The following SMYD3 variants were observed in gnomAD, a reference collection of about 807,000 sequenced individuals.
SMYD3 encodes SET and MYND domain containing 3, also known as histone-lysine N-methyltransferase SMYD3.
In SMYD3, 36 loss-of-function variants were observed where a neutral mutation model predicts 57.7. The ratio of observed to expected loss-of-function variants is 0.62; its 90% CI spans 0.48 to 0.82. The LOEUF (loss-of-function observed/expected upper bound fraction) is 0.82, where lower values mean the gene tolerates loss of function less well. Among genes scored for constraint, SMYD3 ranks in the 40% least tolerant of loss-of-function variants. The probability of loss-of-function intolerance (pLI) is 0.00; values close to 1 mark genes in which losing one functional copy is unlikely to be tolerated. For synonymous variants in SMYD3, 211 were observed against 195.0 expected (o/e 1.08, Z -0.68); for missense variants, 515 against 538.8 (o/e 0.96, Z 0.44).
intron 5 of SMYD3, among the ~76,000 whole-genome samples, chr1:246,008,283 G>C (rs559074757): frequency 1.3e-5 from 2 of 151,224 alleles, no homozygotes; most frequent in Non-Finnish European, 1.5e-5. Context: ...ATCCACAGAC[G>C]CACAGAGCGG....
intron 5 of SMYD3, among the ~76,000 whole-genome samples, chr1:246,077,269 T>C (rs546717137): frequency 1.3e-5 from 2 of 152,212 alleles, no homozygotes; most frequent in Non-Finnish European, 2.9e-5. Context: ...TTTTTCATCA[T>C]TTAACAATAA....
chr1:246,311,389 A>G (rs888849461), intron 5 of SMYD3, among the ~76,000 whole-genome samples: 3 of 152,236 alleles, frequency 2.0e-5, no homozygotes, highest in African/African-American at 4.8e-5. Flanking sequence ...GAAAAGCTAG[A>G]AGCCTGCCAT....
At chr1:245,753,251 G>GAAAAAAAA (rs34929779) in intron 11 of SMYD3, among the ~76,000 whole-genome samples, 1 of 111,582 alleles carries the variant, frequency 9.0e-6, no homozygotes. Context: ...TGAAGCAACT[G>GAAAAAAAA]AAAAAAAAAA....
intron 5 of SMYD3, among the ~76,000 whole-genome samples, chr1:246,312,208 A>G (rs1266836883): frequency 6.6e-6 from 1 of 152,184 alleles, no homozygotes; most frequent in African/African-American, 2.4e-5. Flanking sequence ...TGCCATACTT[A>G]AAAGCCTTGA....
intron 10 of SMYD3, among the ~76,000 whole-genome samples, chr1:245,765,380 C>A (rs952864961): frequency 4.6e-5 from 7 of 150,738 alleles, no homozygotes; most frequent in East Asian, 2.0e-4. Context: ...CAGAGTGAGA[C>A]CCTGTTTCAA....
chr1:245,968,494 A>G (rs2058212344), intron 5 of SMYD3, among the ~76,000 whole-genome samples: 2 of 152,224 alleles, frequency 1.3e-5, no homozygotes, highest in Admixed American at 1.3e-4. Context: ...AAAATGATGC[A>G]GAATTCACCT....
At chr1:245,894,980 A>C (rs1412177382) in intron 8 of SMYD3, among the ~76,000 whole-genome samples, 1 of 152,238 alleles carries the variant, frequency 6.6e-6, no homozygotes, top group Admixed American at 6.5e-5. Context: ...TCTGGGGAGA[A>C]GGCAGAGAAG....
intron 1 of SMYD3, among the ~76,000 whole-genome samples, chr1:246,491,304 G>A (rs996613605): frequency 1.8e-4 from 28 of 152,140 alleles, no homozygotes; most frequent in African/African-American, 6.0e-4. Flanking sequence ...CTGGGAGGCC[G>A]AGGCAGGCAT....
At chr1:245,817,203 A>G (rs1471075718) in intron 10 of SMYD3, among the ~76,000 whole-genome samples, 7 of 147,274 alleles carry the variant, frequency 4.8e-5, no homozygotes, top group South Asian at 2.2e-4. Flanking sequence ...GAGATCTGAG[A>G]ACGGGCAGAC....
chr1:246,054,861 T>C lies in SMYD3; in HGVS notation c.532-124924A>G, dbSNP rs1210414419. Among the ~76,000 whole-genome samples, 10 of 130,654 alleles carry C rather than the reference T, an allele frequency of 7.7e-5. No individual in the cohort carries two copies. The East Asian group carries it at 2.0e-3, about 26-fold the overall frequency. The allele number at this position is 130,654 out of a possible 152,430, so 85.7% of individuals were successfully genotyped here. A position where few individuals can be genotyped will look rare whatever the true frequency, so the allele number is the denominator to read the frequency against. On this transcript the variant is annotated intron_variant, in intron 5 of 11. Coordinates refer to ENST00000490107, the MANE Select transcript of SMYD3 (RefSeq NM_001167740.2). ...TGATAAAATACCACCTTAACACTCA[T>C]TAGGATGACTATAAAAAAAAAAAAA...
intron 5 of SMYD3, among the ~76,000 whole-genome samples, chr1:246,056,958 C>T (rs553407249): frequency 3.9e-4 from 59 of 152,256 alleles, no homozygotes; most frequent in Non-Finnish European, 6.6e-4. Flanking sequence ...TGTGACCTGA[C>T]GTGATCTCCC....
chr1:246,495,966 AAATAAT>A (rs36118885), intron 1 of SMYD3, among the ~76,000 whole-genome samples: 15 of 148,864 alleles, frequency 1.0e-4, no homozygotes, highest in South Asian at 2.2e-4. Context: ...TCACCTCAAA[AAATAAT>A]AATAATAATA....
intron 5 of SMYD3, among the ~76,000 whole-genome samples, chr1:245,940,494 C>T (rs1248030009): frequency 6.6e-6 from 1 of 151,980 alleles, no homozygotes; most frequent in African/African-American, 2.4e-5. Flanking sequence ...CAGGAAGCAC[C>T]CAGGTGAATA....
intron 1 of SMYD3, among the ~76,000 whole-genome samples, chr1:246,383,213 G>C (rs1438831959): frequency 6.6e-6 from 1 of 152,244 alleles, no homozygotes; most frequent in African/African-American, 2.4e-5. Flanking sequence ...GACACCAAAG[G>C]AATCATCAAC....
chr1:246,505,539 C>A (rs1423657861), intron 1 of SMYD3, among the ~76,000 whole-genome samples: 2 of 147,954 alleles, frequency 1.4e-5, no homozygotes, highest in Non-Finnish European at 1.5e-5. Flanking sequence ...AGATCCCAGC[C>A]CCAGCTACTT....
intron 1 of SMYD3, among the ~76,000 whole-genome samples, chr1:246,439,188 C>T (rs1201885180): frequency 6.6e-6 from 1 of 151,666 alleles, no homozygotes; most frequent in East Asian, 1.9e-4. Flanking sequence ...CCCCAAACTC[C>T]TGGGCTCAAG....
chr1:245,968,441 CTCCT>C (rs2058211084), intron 5 of SMYD3, among the ~76,000 whole-genome samples: 1 of 152,122 alleles, frequency 6.6e-6, no homozygotes, highest in African/African-American at 2.4e-5. Flanking sequence ...GCCCAAGTGC[CTCCT>C]ATATTAAAAC....
rs192833559 is a variant in SMYD3 at position 245,963,182 on chromosome 1, T to C, written c.532-33245A>G. On this transcript the variant is annotated intron_variant, in intron 5 of 11. Transcript: ENST00000490107. ...TCTTACACATTTGAGATGCTAGATA[T>C]ATTAGCTTAATTTAATTATTCCACA... Among the ~76,000 whole-genome samples the C allele has an allele frequency of 2.1e-3, 323 of 152,326 alleles. 1 individual carries two copies. Among genetic ancestry groups the C allele is most frequent in the Non-Finnish European group, 3.8e-3 (258 of 68,036 alleles).
rs530722255 is a variant in SMYD3, at chr1:246,261,408, T to G, written c.531+65793A>C. Reference sequence around the variant, plus strand: ...CCTTATAGTCACAGCATTTTATGCTTTAATGATAATTCACATTTAATTTTA... The same window carrying G: ...CCTTATAGTCACAGCATTTTATGCTGTAATGATAATTCACATTTAATTTTA... On this transcript the variant is annotated intron_variant, in intron 5 of 11. Transcript: ENST00000490107. Among the ~76,000 whole-genome samples the G allele has an allele frequency of 1.2e-4, 18 of 152,004 alleles. No individual in the cohort carries two copies. The South Asian group carries it at 3.5e-3, about 30-fold the overall frequency.
Sources: allele counts gnomAD v4.1 joint callset (sites outside exome capture counted in the v4.1 genomes callset), GRCh38; gene constraint gnomAD v4.1.1; transcripts MANE v1.5; gene names NCBI Gene and HGNC (gene_info 2026-07-23, HGNC 2026-07-21).